The following NSUN3 variants were observed in gnomAD, a reference collection of about 807,000 sequenced individuals.
The protein encoded by NSUN3 is tRNA (cytosine(34)-C(5))-methyltransferase, mitochondrial.
In NSUN3, 24 loss-of-function variants were observed where a neutral mutation model predicts 36.8. The ratio of observed to expected loss-of-function variants is 0.65; its 90% confidence interval spans 0.47 to 0.92. NSUN3 has a LOEUF of 0.92. Among genes scored for constraint, NSUN3 ranks in the 40% least tolerant of loss-of-function variants. The pLI is 0.00. For synonymous variants in NSUN3, 146 were observed against 145.2 expected (o/e 1.01, Z -0.04); for missense variants, 381 against 392.8 (o/e 0.97, Z 0.25).
chr3:94,117,019 G>A (rs1266831047), intron 5 of NSUN3, among the ~76,000 whole-genome samples: 2 of 106,748 alleles, frequency 1.9e-5, no homozygotes, highest in Non-Finnish European at 3.5e-5. Context: ...TTTTTTGGGA[G>A]ACAGAATCTC....
intron 5 of NSUN3, among the ~76,000 whole-genome samples, chr3:94,105,681 G>A (rs2077385923): frequency 6.6e-6 from 1 of 151,428 alleles, no homozygotes; most frequent in Non-Finnish European, 1.5e-5. Flanking sequence ...CTAGAGGCAG[G>A]GTATCTTTTT....
chr3:94,102,950 G>A (rs1368374851), intron 5 of NSUN3, among the ~76,000 whole-genome samples: 1 of 152,080 alleles, frequency 6.6e-6, no homozygotes, highest in Non-Finnish European at 1.5e-5. Flanking sequence ...GCAGTGGCAT[G>A]ATCTCAGCTC....
chr3:94,085,863 A>T (rs2077290569), intron 3 of NSUN3, among the ~76,000 whole-genome samples: 1 of 152,146 alleles, frequency 6.6e-6, no homozygotes, highest in South Asian at 2.1e-4. Flanking sequence ...AAGATCTATT[A>T]GGTAAGCACT....
At chr3:94,096,465 C>G (rs924009450) in intron 5 of NSUN3, among the ~76,000 whole-genome samples, 2 of 151,942 alleles carry the variant, frequency 1.3e-5, no homozygotes, top group Non-Finnish European at 2.9e-5. Context: ...CTCACCTAAG[C>G]TGTTTTGATT....
chr3:94,128,826 G>C lies in NSUN3; in HGVS notation c.*2336G>C, dbSNP rs1289854840. Among the ~76,000 whole-genome samples, 2 of 152,010 alleles carry C rather than the reference G, an allele frequency of 1.3e-5. No individual in the cohort carries two copies. Among genetic ancestry groups the C allele is most frequent in the African/African-American group, 4.8e-5 (2 of 41,366 alleles). On this transcript the variant is annotated 3_prime_UTR_variant, in exon 6 of 6. Transcript: ENST00000314622. ...AACAAATAACCCTATTAAAAACTGA[G>C]CAAAGGACATGAACAGACATTTCTC...
intron 2 of NSUN3, among the ~76,000 whole-genome samples, chr3:94,083,105 CT>C (rs35424977): frequency 0.031 from 4,043 of 131,920 alleles, 48 homozygotes; most frequent in East Asian, 0.056. Context: ...GGCAGGCTGC[CT>C]TTTTTTTTTT....
chr3:94,091,657 G>A (rs1041110966), intron 3 of NSUN3, among the ~76,000 whole-genome samples: 1 of 152,138 alleles, frequency 6.6e-6, no homozygotes, highest in African/African-American at 2.4e-5. Context: ...TTCTTAACAC[G>A]TGCATGTTAA....
intron 5 of NSUN3, among the ~76,000 whole-genome samples, chr3:94,099,541 C>T (rs1390925253): frequency 6.6e-6 from 1 of 152,148 alleles, no homozygotes; most frequent in Non-Finnish European, 1.5e-5. Flanking sequence ...TCTTTTCCTT[C>T]AGCAGCTGCT....
intron 2 of NSUN3, among the ~76,000 whole-genome samples, chr3:94,080,491 G>A (rs1177739154): frequency 6.6e-6 from 1 of 152,156 alleles, no homozygotes; most frequent in Admixed American, 6.5e-5. Flanking sequence ...CGTTTAAGTC[G>A]GCTGAAGCTG....
Position 94,127,602 on chromosome 3 carries a change from T to G in NSUN3, c.*1112T>G, listed in dbSNP as rs533592692. On this transcript the variant is annotated 3_prime_UTR_variant, in exon 6 of 6. Coordinates refer to ENST00000314622, the MANE Select transcript of NSUN3 (RefSeq NM_022072.5). ...CTTTTTCTCCAGAAATTACTTCACT[T>G]AGAGTACAAACATATTTTTCCAACT... 3.1e-4 allele frequency: 47 copies of G among 152,172 alleles called. No homozygotes were observed. The highest frequency in any genetic ancestry group is 6.5e-4 in the Non-Finnish European group (44 of 68,044). The allele number at this position is 152,172 out of a possible 1,614,324, so 9.4% of individuals were successfully genotyped here. A position where few individuals can be genotyped will look rare whatever the true frequency, so the allele number is the denominator to read the frequency against.
rs1376371559 is a variant in NSUN3 at position 94,105,736 on chromosome 3, AAC to A, written c.743+10592_743+10593del. ...TTTCACTTGAAGAAAGTTTCTTCTT[AAC>A]ACACACACATACACACACACACACA... On this transcript the variant is annotated intron_variant, in intron 5 of 5. Coordinates refer to ENST00000314622, the MANE Select transcript of NSUN3 (RefSeq NM_022072.5). Among the ~76,000 whole-genome samples, 5 of 151,972 alleles carry A rather than the reference AAC, an allele frequency of 3.3e-5. No individual in the cohort carries two copies. In the East Asian group the frequency reaches 9.7e-4, roughly 29 times the overall value.
chr3:94,113,149 C>T (rs1196915184), intron 5 of NSUN3, among the ~76,000 whole-genome samples: 1 of 152,162 alleles, frequency 6.6e-6, no homozygotes, highest in Non-Finnish European at 1.5e-5. Flanking sequence ...CAGGTGTGAG[C>T]CACCGCACCC....
intron 2 of NSUN3, among the ~76,000 whole-genome samples, chr3:94,067,549 C>T (rs1192318183): frequency 6.6e-6 from 1 of 152,158 alleles, no homozygotes; most frequent in Non-Finnish European, 1.5e-5. Flanking sequence ...AAATTCTCTA[C>T]TGCTGCCATT....
At chr3:94,071,711 C>G (rs187926104) in intron 2 of NSUN3, among the ~76,000 whole-genome samples, 1 of 152,248 alleles carries the variant, frequency 6.6e-6, no homozygotes, top group East Asian at 1.9e-4. Flanking sequence ...GAGGTACTTG[C>G]ACTTCTTCTC....
At chr3:94,079,926 C>G (rs2077260937) in intron 2 of NSUN3, among the ~76,000 whole-genome samples, 1 of 152,088 alleles carries the variant, frequency 6.6e-6, no homozygotes. Context: ...AAGCCTACTT[C>G]TGTCAGTTTG....
chr3:94,115,530 A>G (rs918643311), intron 5 of NSUN3, among the ~76,000 whole-genome samples: 5 of 152,214 alleles, frequency 3.3e-5, no homozygotes. Context: ...TTACTTCTGT[A>G]CCAGAAATTG....
At chr3:94,092,909 G>T (rs1314754221) in intron 3 of NSUN3, among the ~76,000 whole-genome samples, 1 of 99,514 alleles carries the variant, frequency 1.0e-5, no homozygotes, top group Non-Finnish European at 1.8e-5. Context: ...AACAGAGCGA[G>T]ACTGCATCTC....
At chr3:94,077,489 T>C (rs569641873) in intron 2 of NSUN3, among the ~76,000 whole-genome samples, 115 of 152,330 alleles carry the variant, frequency 7.5e-4, no homozygotes, top group African/African-American at 2.7e-3. Flanking sequence ...TTTTCTATTG[T>C]TTGGAATAGT....
At chr3:94,096,816 T>A (rs1025075246) in intron 5 of NSUN3, among the ~76,000 whole-genome samples, 4 of 152,170 alleles carry the variant, frequency 2.6e-5, no homozygotes, top group Admixed American at 6.6e-5. Context: ...TTCTTAATTA[T>A]TCCTGCTACA....
Sources: allele counts gnomAD v4.1 joint callset (sites outside exome capture counted in the v4.1 genomes callset), GRCh38; gene constraint gnomAD v4.1.1; transcripts MANE v1.5; gene names NCBI Gene and HGNC (gene_info 2026-07-23, HGNC 2026-07-21).